The following DPYD variants were observed in gnomAD, a reference collection of about 807,000 sequenced individuals.
DPYD encodes the protein dihydropyrimidine dehydrogenase.
A neutral mutation model predicts 116.2 loss-of-function variants in DPYD; 109 were observed. The observed-to-expected ratio is 0.94, with a 90% CI of 0.80 to 1.10. The LOEUF is 1.10. Ranked by LOEUF, DPYD falls within the 50% of genes least tolerant of loss-of-function variation. DPYD has a pLI of 0.00. For missense variants in DPYD, 1,302 were observed against 1,254.5 expected (o/e 1.04, Z -0.57); for synonymous variants, 440 against 432.0 (o/e 1.02, Z -0.23).
At chr1:97,611,673 G>A (rs1571058165) in intron 8 of DPYD, among the ~76,000 whole-genome samples, 1 of 151,876 alleles carries the variant, frequency 6.6e-6, no homozygotes, top group Non-Finnish European at 1.5e-5. Context: ...ACAAATCCGA[G>A]CCAGAACCTA....
intron 8 of DPYD, among the ~76,000 whole-genome samples, chr1:97,618,809 C>A (rs767351607): frequency 3.3e-5 from 5 of 152,132 alleles, no homozygotes; most frequent in Non-Finnish European, 7.4e-5. Flanking sequence ...AAGCCACCAT[C>A]ACAGATTAAT....
intron 3 of DPYD, among the ~76,000 whole-genome samples, chr1:97,794,112 A>G (rs778567392): frequency 2.7e-4 from 41 of 152,026 alleles, no homozygotes; most frequent in Non-Finnish European, 5.6e-4. Flanking sequence ...TAATTTTTGT[A>G]TATTTAGTAA....
chr1:97,876,699 GA>G (rs1194376791), intron 2 of DPYD, among the ~76,000 whole-genome samples: 1 of 151,954 alleles, frequency 6.6e-6, no homozygotes, highest in Non-Finnish European at 1.5e-5. Flanking sequence ...ATTAGGCAGA[GA>G]AGCCACTGGG....
At chr1:97,702,643 T>C (rs1391612536) in intron 5 of DPYD, among the ~76,000 whole-genome samples, 2 of 151,902 alleles carry the variant, frequency 1.3e-5, no homozygotes, top group Admixed American at 6.6e-5. Context: ...TACAGTGTCA[T>C]AACCAAATGG....
In DPYD at chr1:97,921,009, G is replaced by A. The variant is rs1674493079; in HGVS notation, c.-87C>T. 1 of 1,521,446 alleles carries A rather than the reference G, an allele frequency of 6.6e-7. No individual in the cohort carries two copies. Among genetic ancestry groups the A allele is most frequent in the Non-Finnish European group, 8.9e-7 (1 of 1,121,768 alleles). The allele number at this position is 1,521,446 out of a possible 1,614,324, so 94.2% of individuals were successfully genotyped here. ...CCAGAGAGCCAAGTGACAGCAGCCG[G>A]AGCGCGAGTCGAAAACAGGCAGACT... On this transcript the variant is annotated 5_prime_UTR_variant, in exon 1 of 23. Transcript: ENST00000370192.
chr1:97,791,225 AT>A (rs1453656180), intron 3 of DPYD, among the ~76,000 whole-genome samples: 1 of 152,170 alleles, frequency 6.6e-6, no homozygotes, highest in Non-Finnish European at 1.5e-5. Context: ...TTCCTATCAA[AT>A]GTCAGAGAAC....
chr1:97,785,235 TATTTC>T (rs1345381315), intron 3 of DPYD, among the ~76,000 whole-genome samples: 13 of 152,300 alleles, frequency 8.5e-5, no homozygotes, highest in Middle Eastern at 3.4e-3. Flanking sequence ...TAATTATGCA[TATTTC>T]ATTTGTTATT....
At position 97,621,057 on chromosome 1, in the gene DPYD, T is replaced by C. The variant is rs578041055; in HGVS notation, c.851-25891A>G. On this transcript the variant is annotated intron_variant, in intron 8 of 22. Transcript: ENST00000370192. ...ATGTCAGCACTGCAAGAGGCTGTAA[T>C]GCCTTTTGAATATCAAAAGAAATTT... Among the ~76,000 whole-genome samples the C allele has an allele frequency of 1.2e-4, 19 of 152,266 alleles. No homozygotes were observed. In the South Asian group the frequency reaches 3.9e-3, roughly 32 times the overall value.
chr1:97,291,679 G>C (rs1367827611), intron 18 of DPYD, among the ~76,000 whole-genome samples: 1 of 151,508 alleles, frequency 6.6e-6, no homozygotes, highest in Admixed American at 6.6e-5. Flanking sequence ...ACACTCTGGG[G>C]ACTGTTGTGG....
intron 2 of DPYD, among the ~76,000 whole-genome samples, chr1:97,858,414 T>C (rs1287491652): frequency 1.3e-5 from 2 of 152,158 alleles, no homozygotes; most frequent in African/African-American, 4.8e-5. Context: ...TAGGAAACCT[T>C]GATAGGATTA....
chr1:97,139,527 T>C (rs1407188485), intron 20 of DPYD, among the ~76,000 whole-genome samples: 2 of 152,184 alleles, frequency 1.3e-5, no homozygotes, highest in Admixed American at 6.5e-5. Flanking sequence ...TTAAAAAATC[T>C]TGGACCTGTC....
chr1:97,674,659 A>T (rs1660044505), intron 8 of DPYD, among the ~76,000 whole-genome samples: 1 of 143,098 alleles, frequency 7.0e-6, no homozygotes, highest in Non-Finnish European at 1.5e-5. Flanking sequence ...ACAGAACTTT[A>T]AAAAAAAAAA....
chr1:97,161,181 A>G (rs2101744216), intron 20 of DPYD, among the ~76,000 whole-genome samples: 1 of 152,282 alleles, frequency 6.6e-6, no homozygotes, highest in East Asian at 1.9e-4. Flanking sequence ...GCTCATACCA[A>G]TTAATTTCTT....
chr1:97,170,079 A>T (rs1052745486), intron 20 of DPYD, among the ~76,000 whole-genome samples: 1 of 152,210 alleles, frequency 6.6e-6, no homozygotes, highest in African/African-American at 2.4e-5. Context: ...ATACATACAG[A>T]AAATATATTA....
intron 21 of DPYD, among the ~76,000 whole-genome samples, chr1:97,084,014 A>G (rs929835719): frequency 6.6e-6 from 1 of 152,062 alleles, no homozygotes; most frequent in Non-Finnish European, 1.5e-5. Flanking sequence ...AGACTACTTG[A>G]TAAGTTTCAT....
intron 8 of DPYD, among the ~76,000 whole-genome samples, chr1:97,661,897 C>T (rs561893075): frequency 1.3e-5 from 2 of 150,760 alleles, no homozygotes; most frequent in South Asian, 2.1e-4. Context: ...TACATACACA[C>T]GTGTATATAC....
chr1:97,223,961 C>T (rs904513371), intron 19 of DPYD, among the ~76,000 whole-genome samples: 16 of 151,856 alleles, frequency 1.1e-4, no homozygotes, highest in African/African-American at 2.2e-4. Flanking sequence ...GATTTCAAGA[C>T]CTCAAGAGTT....
chr1:97,502,831 C>A (rs753347313), intron 13 of DPYD, among the ~76,000 whole-genome samples: 7 of 151,996 alleles, frequency 4.6e-5, no homozygotes, highest in Non-Finnish European at 8.8e-5. Flanking sequence ...TGTTACGAAT[C>A]ATTTTAATAT....
intron 16 of DPYD, among the ~76,000 whole-genome samples, chr1:97,315,343 A>G (rs1277681762): frequency 1.3e-5 from 2 of 151,834 alleles, no homozygotes; most frequent in East Asian, 3.9e-4. Flanking sequence ...GGGTCTAGCT[A>G]TTTCCGGTGA....
Sources: allele counts gnomAD v4.1 joint callset (sites outside exome capture counted in the v4.1 genomes callset), GRCh38; gene constraint gnomAD v4.1.1; transcripts MANE v1.5; gene names NCBI Gene and HGNC (gene_info 2026-07-23, HGNC 2026-07-21).